WDR72: variants seen among roughly 807,000 people sequenced by gnomAD.
WDR72 encodes WD repeat domain 72.
In WDR72, 120 loss-of-function variants were observed where a neutral mutation model predicts 124.2. That is an observed-to-expected ratio of 0.97 (90% CI 0.83 to 1.12). The LOEUF (loss-of-function observed/expected upper bound fraction) is 1.12, where lower values mean the gene tolerates loss of function less well. WDR72 is among the 50% of genes most tolerant of loss of function. WDR72 has a pLI of 0.00. For missense variants in WDR72, 1,387 were observed against 1,278.8 expected, an observed-to-expected ratio of 1.08 and a Z score of -1.29; for synonymous variants, 452 against 441.7, an observed-to-expected ratio of 1.02 and a Z score of -0.29.
rs1297062015 is a variant in WDR72, at chr15:53,672,888, G to C, written c.1766-7120C>G. Among the ~76,000 whole-genome samples the C allele has an allele frequency of 2.0e-5, 3 of 152,232 alleles. No individual in the cohort carries two copies. In the East Asian group the frequency reaches 5.8e-4, roughly 29 times the overall value. ...CTCACTCCTGTAATCCCAGCACTTT[G>C]GGAGACTGAGGCGGGCTAATCCCTT... is the stretch of plus-strand genomic sequence containing the variant. On this transcript the variant is annotated intron_variant, in intron 13 of 19. Coordinates refer to ENST00000360509, the MANE Select transcript of WDR72 (RefSeq NM_182758.4).
intron 9 of WDR72, among the ~76,000 whole-genome samples, chr15:53,707,673 C>T (rs1206358773): frequency 6.6e-6 from 1 of 152,092 alleles, no homozygotes; most frequent in Non-Finnish European, 1.5e-5. Context: ...GTCTCAATCT[C>T]CTGACCTCCT....
intron 18 of WDR72, among the ~76,000 whole-genome samples, chr15:53,592,683 G>A (rs1384585649): frequency 1.3e-5 from 2 of 152,040 alleles, no homozygotes; most frequent in African/African-American, 4.8e-5. Context: ...TAATTCCAAG[G>A]TGACAGTTTT....
intron 18 of WDR72, among the ~76,000 whole-genome samples, chr15:53,546,084 A>C (rs1215495585): frequency 7.0e-6 from 1 of 142,126 alleles, no homozygotes; most frequent in Admixed American, 7.0e-5. Context: ...AACTACTTCA[A>C]CCATTGTGAA....
In WDR72 at chr15:53,698,333, T is replaced by C. The variant is rs536692988; in HGVS notation, c.1765+1417A>G. On this transcript the variant is annotated intron_variant, in intron 13 of 19. Transcript: ENST00000360509. ...GAAAAATATGTTTAGTTACCAAGTG[T>C]TCACAACTGAAAATGCAATTGGGCA... 5.3e-5 allele frequency among the ~76,000 whole-genome samples: 8 copies of C among 152,300 alleles called. No homozygotes were observed. The South Asian group carries it at 1.7e-3, about 32-fold the overall frequency.
At chr15:53,680,540 GT>G (rs2016344376) in intron 13 of WDR72, among the ~76,000 whole-genome samples, 1 of 152,186 alleles carries the variant, frequency 6.6e-6, no homozygotes, top group Admixed American at 6.5e-5. Flanking sequence ...TAAGAAAAAT[GT>G]GGTGACCAAA....
chr15:53,726,427 G>A (rs1438221135), intron 2 of WDR72, among the ~76,000 whole-genome samples: 4 of 151,392 alleles, frequency 2.6e-5, no homozygotes, highest in African/African-American at 9.7e-5. Flanking sequence ...ACCTAAAACT[G>A]CTTTCAAAAA....
chr15:53,669,217 G>T (rs1022784598), intron 13 of WDR72, among the ~76,000 whole-genome samples: 16 of 152,092 alleles, frequency 1.1e-4, no homozygotes, highest in African/African-American at 3.6e-4. Context: ...GGGTAGTTTT[G>T]TAACAGCGCC....
chr15:53,641,926 C>T (rs2931749), intron 14 of WDR72, among the ~76,000 whole-genome samples: 108,983 of 151,604 alleles, frequency 0.72, 39,225 homozygotes, highest in South Asian at 0.76. Flanking sequence ...CTTTTCTTTC[C>T]TTCCATCTTT....
At chr15:53,664,168 G>C (rs1212050591) in intron 14 of WDR72, among the ~76,000 whole-genome samples, 1 of 152,094 alleles carries the variant, frequency 6.6e-6, no homozygotes, top group Non-Finnish European at 1.5e-5. Flanking sequence ...TCAACTCTCA[G>C]AGCTCAGTGA....
chr15:53,618,821 C>A (rs2013872047), intron 14 of WDR72, among the ~76,000 whole-genome samples: 2 of 152,032 alleles, frequency 1.3e-5, no homozygotes, highest in Non-Finnish European at 2.9e-5. Context: ...TTGGGCTTAT[C>A]CCTTTGAATA....
chr15:53,634,111 T>A (rs2014534659), intron 14 of WDR72, among the ~76,000 whole-genome samples: 1 of 152,188 alleles, frequency 6.6e-6, no homozygotes, highest in Non-Finnish European at 1.5e-5. Context: ...TAAAAATACA[T>A]CACAATGTAA....
intron 18 of WDR72, among the ~76,000 whole-genome samples, chr15:53,590,912 T>C (rs2012460089): frequency 6.6e-6 from 1 of 152,020 alleles, no homozygotes; most frequent in Admixed American, 6.6e-5. Flanking sequence ...CAAGATGAGA[T>C]TAAAAGAGAA....
At position 53,711,304 on chromosome 15, in the gene WDR72, A is replaced by G. The variant is rs1043040743; in HGVS notation, c.857+32T>C. 15 of 1,613,866 alleles carry G rather than the reference A, an allele frequency of 9.3e-6. No individual in the cohort carries two copies. The Admixed American group carries it at 1.3e-4, about 14-fold the overall frequency. ...CTCCCAAAGTTCATTTTCTACCTGA[A>G]TGTTTTGTATGCCGCTCCCATCTGA... On this transcript the variant is annotated intron_variant, in intron 8 of 19. Transcript: ENST00000360509.
chr15:53,560,017 A>G (rs1428135094), intron 18 of WDR72, among the ~76,000 whole-genome samples: 1 of 152,014 alleles, frequency 6.6e-6, no homozygotes, highest in Non-Finnish European at 1.5e-5. Flanking sequence ...AGTGTTAAAG[A>G]GACAGTTTAG....
chr15:53,540,462 A>G (rs889953198), intron 18 of WDR72, among the ~76,000 whole-genome samples: 2 of 152,126 alleles, frequency 1.3e-5, no homozygotes, highest in African/African-American at 4.8e-5. Flanking sequence ...AAATTTCAAA[A>G]CACATTACTA....
At chr15:53,519,905 TAAAC>T (rs761861106) in intron 19 of WDR72, among the ~76,000 whole-genome samples, 9 of 152,158 alleles carry the variant, frequency 5.9e-5, no homozygotes, top group Admixed American at 6.6e-5. Flanking sequence ...AATATAAAAA[TAAAC>T]AATCTACATA....
At chr15:53,754,299 A>G (rs1368815191) in intron 1 of WDR72, among the ~76,000 whole-genome samples, 4 of 152,130 alleles carry the variant, frequency 2.6e-5, no homozygotes, top group Non-Finnish European at 4.4e-5. Flanking sequence ...AAAAAGACTC[A>G]TAATACACAA....
At chr15:53,557,935 G>C (rs1247893642) in intron 18 of WDR72, among the ~76,000 whole-genome samples, 1 of 151,900 alleles carries the variant, frequency 6.6e-6, no homozygotes, top group Non-Finnish European at 1.5e-5. Flanking sequence ...CAATGTATTT[G>C]GCATGTCCGT....
intron 18 of WDR72, among the ~76,000 whole-genome samples, chr15:53,587,065 T>A (rs1296822767): frequency 6.6e-6 from 1 of 151,998 alleles, no homozygotes; most frequent in East Asian, 1.9e-4. Flanking sequence ...AGAGACACTT[T>A]ATTGGCATTT....
Sources: allele counts gnomAD v4.1 joint callset (sites outside exome capture counted in the v4.1 genomes callset), GRCh38; gene constraint gnomAD v4.1.1; transcripts MANE v1.5; gene names NCBI Gene and HGNC (gene_info 2026-07-23, HGNC 2026-07-21).